Variants in JAKMIP3 observed in about 807,000 individuals in gnomAD.
JAKMIP3 encodes janus kinase and microtubule-interacting protein 3.
Under a neutral mutation model 118.5 loss-of-function variants are expected in JAKMIP3, and 58 were observed. The ratio of observed to expected loss-of-function variants is 0.49; its 90% CI spans 0.40 to 0.61. The LOEUF is 0.61. Among genes scored for constraint, JAKMIP3 ranks in the 20% least tolerant of loss-of-function variants. The pLI is 0.00. For synonymous variants in JAKMIP3, 486 were observed against 451.2 expected, an observed-to-expected ratio of 1.08 and a Z score of -0.98; for missense variants, 950 against 1,109.0, an observed-to-expected ratio of 0.86 and a Z score of 2.04.
chr10:132,120,451 C>T (rs1478083138), intron 3 of JAKMIP3, among the ~76,000 whole-genome samples: 1 of 152,236 alleles, frequency 6.6e-6, no homozygotes, highest in Non-Finnish European at 1.5e-5. Flanking sequence ...CCACAGCTGC[C>T]CAGGCCTCAT....
At chr10:132,088,380 A>C (rs2042673384) in intron 1 of JAKMIP3, among the ~76,000 whole-genome samples, 1 of 152,108 alleles carries the variant, frequency 6.6e-6, no homozygotes, top group African/African-American at 2.4e-5. Context: ...TTGTTTCCTG[A>C]CTTTTTAATG....
At chr10:132,164,566 G>A in intron 20 of JAKMIP3, 104 bp from the exon 21 acceptor site, 1 of 767,056 alleles carries the variant, frequency 1.3e-6, no homozygotes, top group Non-Finnish European at 2.2e-6. Flanking sequence ...CATGCCAGCT[G>A]CTCTGCGACG....
chr10:132,047,959 G>A (rs959490716), intron 1 of JAKMIP3, among the ~76,000 whole-genome samples: 2 of 152,218 alleles, frequency 1.3e-5, no homozygotes, highest in Non-Finnish European at 2.9e-5. Context: ...CGGCTGTGGC[G>A]CCGCCTGTGT....
chr10:132,054,684 G>C (rs540788910), intron 1 of JAKMIP3, among the ~76,000 whole-genome samples: 1 of 147,912 alleles, frequency 6.8e-6, no homozygotes, highest in Non-Finnish European at 1.5e-5. Context: ...ATTTCAGACC[G>C]GGCTAACAGA....
chr10:132,042,271 G>C (rs1237001004), intron 1 of JAKMIP3, among the ~76,000 whole-genome samples: 1 of 148,628 alleles, frequency 6.7e-6, no homozygotes, highest in African/African-American at 2.5e-5. Flanking sequence ...GAGTGCAGTG[G>C]CATGATCATG....
At chr10:132,110,600 A>G (rs1246131713) in intron 2 of JAKMIP3, among the ~76,000 whole-genome samples, 1 of 152,256 alleles carries the variant, frequency 6.6e-6, no homozygotes, top group African/African-American at 2.4e-5. Context: ...TGTGATTTTC[A>G]GGGTAAAGAA....
intron 1 of JAKMIP3, among the ~76,000 whole-genome samples, chr10:132,074,833 C>T (rs1396929474): frequency 6.6e-6 from 1 of 152,076 alleles, no homozygotes; most frequent in Non-Finnish European, 1.5e-5. Flanking sequence ...GTCTTTAATC[C>T]ATCTTGAGTT....
At chr10:132,080,318 A>G (rs1162851992) in intron 1 of JAKMIP3, among the ~76,000 whole-genome samples, 1 of 152,076 alleles carries the variant, frequency 6.6e-6, no homozygotes. Context: ...GATCATAGCC[A>G]TCCTAATGGG....
chr10:132,114,382 T>C (rs2047318202), intron 2 of JAKMIP3, among the ~76,000 whole-genome samples: 1 of 152,218 alleles, frequency 6.6e-6, no homozygotes, highest in African/African-American at 2.4e-5. Context: ...ACCTGGCTAA[T>C]TTTTTAATTA....
intron 17 of JAKMIP3, 151 bp from the exon 18 acceptor site, chr10:132,153,608 C>A: frequency 1.3e-6 from 1 of 742,504 alleles, no homozygotes; most frequent in Non-Finnish European, 2.3e-6. Flanking sequence ...GCCAGCGCAG[C>A]CTCAACTCCC....
chr10:132,068,230 C>T (rs538193519), intron 1 of JAKMIP3, among the ~76,000 whole-genome samples: 11 of 151,984 alleles, frequency 7.2e-5, no homozygotes, highest in African/African-American at 1.7e-4. Context: ...CTGTGGCTTC[C>T]GTGTGGACTG....
intron 1 of JAKMIP3, among the ~76,000 whole-genome samples, chr10:132,085,779 G>A (rs1290258413): frequency 3.3e-5 from 5 of 152,264 alleles, no homozygotes; most frequent in Non-Finnish European, 7.4e-5. Context: ...GATTACAGGC[G>A]TGAGCCACTG....
At chr10:132,105,382 G>C (rs1451331647) in intron 2 of JAKMIP3, among the ~76,000 whole-genome samples, 2 of 152,254 alleles carry the variant, frequency 1.3e-5, no homozygotes, top group Non-Finnish European at 2.9e-5. Flanking sequence ...AGAGCTTCCA[G>C]ATTTGGAGGA....
chr10:132,054,936 C>T (rs962130699), intron 1 of JAKMIP3, among the ~76,000 whole-genome samples: 7 of 151,070 alleles, frequency 4.6e-5, no homozygotes, highest in Non-Finnish European at 5.9e-5. Flanking sequence ...GAGGACCCTC[C>T]GCTTGGGGAT....
chr10:132,102,506 C>T (rs781283000), intron 1 of JAKMIP3, among the ~76,000 whole-genome samples: 4 of 152,194 alleles, frequency 2.6e-5, no homozygotes, highest in Non-Finnish European at 4.4e-5. Context: ...TCCACCCTGC[C>T]GGGCCCTTCT....
intron 11 of JAKMIP3, among the ~76,000 whole-genome samples, chr10:132,142,400 C>T (rs773732506): frequency 1.3e-4 from 20 of 152,178 alleles, no homozygotes; most frequent in African/African-American, 3.9e-4. Flanking sequence ...GGCGATGGCC[C>T]GTGGCAGCAT....
chr10:132,064,435 AC>A (rs2038543336), upstream of JAKMIP3, among the ~76,000 whole-genome samples: 2 of 151,576 alleles, frequency 1.3e-5, no homozygotes. This position sits in a 1 kb window ranked among gnomAD's most constrained non-coding sequence, Gnocchi z 4.4. Flanking sequence ...TCGGGCGTGG[AC>A]CCCGAGCCGC....
intron 1 of JAKMIP3, among the ~76,000 whole-genome samples, chr10:132,059,520 T>C (rs958114527): frequency 5.3e-5 from 8 of 152,236 alleles, no homozygotes; most frequent in Non-Finnish European, 1.2e-4. Flanking sequence ...GAGGCCAGGC[T>C]CAGCCCTGAG....
chr10:132,175,880 T>C (rs924083675), intron 23 of JAKMIP3, among the ~76,000 whole-genome samples: 7 of 152,230 alleles, frequency 4.6e-5, no homozygotes, highest in African/African-American at 1.7e-4. Context: ...ATTGTTTTCT[T>C]ACTGAATTTG....
Sources: allele counts gnomAD v4.1 joint callset (sites outside exome capture counted in the v4.1 genomes callset), GRCh38; gene constraint gnomAD v4.1.1; non-coding constraint Gnocchi (gnomAD v3.1); transcripts MANE v1.5; gene names NCBI Gene and HGNC (gene_info 2026-07-23, HGNC 2026-07-21).